Variants in PTPN12 observed in about 807,000 individuals in gnomAD.
PTPN12 encodes tyrosine-protein phosphatase non-receptor type 12.
In PTPN12, 29 loss-of-function variants were observed where a neutral mutation model predicts 97.6. That is an observed-to-expected ratio of 0.30 (90% CI 0.22 to 0.41). PTPN12 has a LOEUF of 0.41. Among genes scored for constraint, PTPN12 ranks in the 10% least tolerant of loss-of-function variants. The pLI, the probability that PTPN12 is intolerant of heterozygous loss-of-function variation, is 1.00. For synonymous variants in PTPN12, 327 were observed against 300.4 expected (o/e 1.09, Z -0.91); for missense variants, 819 against 926.0 (o/e 0.88, Z 1.50).
At chr7:77,563,160 T>A (rs1333453171) in intron 1 of PTPN12, among the ~76,000 whole-genome samples, 3 of 152,230 alleles carry the variant, frequency 2.0e-5, no homozygotes, top group African/African-American at 7.2e-5. Context: ...TAGTAATTGA[T>A]GAAACCTAGG....
rs753709045 is a variant in PTPN12, at chr7:77,537,537, A to G, written c.-10A>G. 2.3e-5 allele frequency: 36 copies of G among 1,575,328 alleles called. No individual in the cohort carries two copies. Among genetic ancestry groups the G allele is most frequent in the Non-Finnish European group, 6.9e-6 (8 of 1,163,344 alleles). On this transcript the variant is annotated 5_prime_UTR_variant, in exon 1 of 18. Transcript: ENST00000248594. ...GGGGCCAGCGACCGCAGCCGGGGGG[A>G]CGCGGGAGGATGGAGCAAGTGGAGA...
rs371635449 is a variant in PTPN12 at position 77,582,506 on chromosome 7, G to A, written c.285+1003G>A. On this transcript the variant is annotated intron_variant, in intron 3 of 17. Transcript: ENST00000248594. ...AACTGATAAAAGTTTATGCCAGGCC[G>A]GGCACGGTGGCTCATGTCCGTAATC... Among the ~76,000 whole-genome samples, 22 of 152,002 alleles carry A rather than the reference G, an allele frequency of 1.4e-4. No homozygotes were observed. The East Asian group carries it at 1.5e-3, about 11-fold the overall frequency.
chr7:77,592,481 G>A, intron 6 of PTPN12: 1 of 412,576 alleles, frequency 2.4e-6, no homozygotes. Flanking sequence ...TATTGATTGT[G>A]TGTTAGTCTT....
chr7:77,619,879 C>T (rs1049768707), intron 12 of PTPN12, among the ~76,000 whole-genome samples: 1 of 152,064 alleles, frequency 6.6e-6, no homozygotes, highest in East Asian at 1.9e-4. Context: ...TTTAAATGTT[C>T]GAGATGTTAA....
chr7:77,597,354 C>T (rs1277344767), intron 6 of PTPN12, among the ~76,000 whole-genome samples: 2 of 152,136 alleles, frequency 1.3e-5, no homozygotes, highest in African/African-American at 2.4e-5. Flanking sequence ...AACTCCTGAC[C>T]TCAAGTGATC....
chr7:77,570,726 G>T (rs1346647950), intron 1 of PTPN12, among the ~76,000 whole-genome samples: 1 of 152,190 alleles, frequency 6.6e-6, no homozygotes, highest in African/African-American at 2.4e-5. Flanking sequence ...ATTCTTTTAG[G>T]CATGTTTTTA....
At chr7:77,553,562 T>G (rs1807570253) in intron 1 of PTPN12, among the ~76,000 whole-genome samples, 1 of 152,226 alleles carries the variant, frequency 6.6e-6, no homozygotes, top group African/African-American at 2.4e-5. Flanking sequence ...CCTGATAACT[T>G]TACTTGCCAT....
intron 2 of PTPN12, 63 bp from the exon 3 acceptor site, chr7:77,581,364 T>TA: frequency 3.6e-6 from 4 of 1,112,290 alleles, no homozygotes; most frequent in South Asian, 1.4e-5. Context: ...TAACCTTACT[T>TA]ACGCTTCATT....
chr7:77,613,180 T>G (rs1311313841), intron 11 of PTPN12, among the ~76,000 whole-genome samples: 4 of 136,670 alleles, frequency 2.9e-5, no homozygotes, highest in East Asian at 4.2e-4. Context: ...TTTTTTTTTT[T>G]TTTTTTTTTT....
intron 12 of PTPN12, among the ~76,000 whole-genome samples, chr7:77,620,083 A>G (rs1166910387): frequency 6.6e-6 from 1 of 152,190 alleles, no homozygotes; most frequent in African/African-American, 2.4e-5. Context: ...TAAAAAAATT[A>G]AGGAACATTT....
At chr7:77,618,662 A>G in intron 12 of PTPN12, 97 bp downstream of exon 12, 2 of 811,530 alleles carry the variant, frequency 2.5e-6, no homozygotes, top group South Asian at 1.8e-5. Context: ...AATTACTTTT[A>G]TAACTTTTAT....
chr7:77,558,202 C>T (rs1233413032), intron 1 of PTPN12, among the ~76,000 whole-genome samples: 1 of 116,488 alleles, frequency 8.6e-6, no homozygotes, highest in African/African-American at 3.7e-5. Context: ...TAGAGCAAGA[C>T]TCCATCTCAA....
chr7:77,560,845 T>C (rs1807964746), intron 1 of PTPN12, among the ~76,000 whole-genome samples: 1 of 151,796 alleles, frequency 6.6e-6, no homozygotes, highest in Non-Finnish European at 1.5e-5. Context: ...TTGTGAATGC[T>C]CCTGCTGTGA....
chr7:77,629,306 T>A (rs1789315544), intron 13 of PTPN12, among the ~76,000 whole-genome samples: 1 of 152,228 alleles, frequency 6.6e-6, no homozygotes, highest in Non-Finnish European at 1.5e-5. Context: ...TTGATTTATC[T>A]TTGTTTTATT....
chr7:77,609,344 T>G (rs1489319613), intron 9 of PTPN12, among the ~76,000 whole-genome samples: 2 of 145,192 alleles, frequency 1.4e-5, no homozygotes, highest in Non-Finnish European at 3.0e-5. Flanking sequence ...TAATCTCGGC[T>G]CACTGCAACC....
chr7:77,568,081 A>T (rs1808332194), intron 1 of PTPN12, among the ~76,000 whole-genome samples: 1 of 152,254 alleles, frequency 6.6e-6, no homozygotes, highest in South Asian at 2.1e-4. Context: ...TCTGATGGGC[A>T]TGAAAATTGC....
chr7:77,600,974 G>GT, intron 8 of PTPN12, 168 bp downstream of exon 8: 1 of 579,658 alleles, frequency 1.7e-6, no homozygotes, highest in South Asian at 2.3e-5. Flanking sequence ...TTGACAGACC[G>GT]TTTAGAGTAT....
At position 77,584,046 on chromosome 7, in the gene PTPN12, AT is replaced by A. The variant is rs1787606496; in HGVS notation, c.381+397del. ...TATAAATAGACTATAAATATGCAGT[AT>A]AAGAGAATTTCATCTATCCCTGGAG... On this transcript the variant is annotated intron_variant, in intron 4 of 17. Coordinates refer to ENST00000248594, the MANE Select transcript of PTPN12 (RefSeq NM_002835.4). 2.6e-5 allele frequency among the ~76,000 whole-genome samples: 4 copies of A among 152,180 alleles called. No individual in the cohort carries two copies. The South Asian group carries it at 6.2e-4, about 24-fold the overall frequency.
In PTPN12 at chr7:77,625,470, T is replaced by TCGCTCGCG. The variant is rs1491229940; in HGVS notation, c.1026-1230_1026-1229insGCGCGCTC. ...GGTTTTGCCATATTGCCCAGGCTGCTCGCTCTCTCTCTCTCTCTCTCTCTC... is the reference window on the plus strand; with the variant it reads ...GGTTTTGCCATATTGCCCAGGCTGCTCGCTCGCGCGCTCTCTCTCTCTCTCTCTCTCTC... On this transcript the variant is annotated intron_variant, in intron 12 of 17. Transcript: ENST00000248594. 4.7e-3 allele frequency among the ~76,000 whole-genome samples: 211 copies of TCGCTCGCG among 45,020 alleles called. 34 individuals are homozygous for TCGCTCGCG. The highest frequency in any genetic ancestry group is 0.013 in the Middle Eastern group (1 of 78). 29.5% of individuals were successfully genotyped at this position (45,020 alleles called of 152,430 possible). A position where few individuals can be genotyped will look rare whatever the true frequency, so the allele number is the denominator to read the frequency against.
Sources: gnomAD v4.1 joint callset for allele counts (sites outside exome capture counted in the v4.1 genomes callset) on GRCh38, gnomAD v4.1.1 for gene constraint, MANE v1.5 for transcripts, NCBI Gene and HGNC (gene_info 2026-07-23, HGNC 2026-07-21) for gene names.